The following PRKCH variants were observed in gnomAD, a reference collection of about 807,000 sequenced individuals.
The protein encoded by PRKCH is protein kinase C eta, also known as protein kinase C eta type.
Under a neutral mutation model 82.5 loss-of-function variants are expected in PRKCH, and 28 were observed. The observed-to-expected ratio is 0.34, with a 90% CI of 0.25 to 0.47. The LOEUF (loss-of-function observed/expected upper bound fraction) is 0.47. Ranked by LOEUF, PRKCH falls within the 20% of genes least tolerant of loss-of-function variation. The pLI is 1.00. For synonymous variants in PRKCH, 322 were observed against 327.4 expected, an observed-to-expected ratio of 0.98 and a Z score of 0.18; for missense variants, 705 against 881.8, an observed-to-expected ratio of 0.80 and a Z score of 2.54.
chr14:61,368,770 T>A (rs1282961939), intron 1 of PRKCH, among the ~76,000 whole-genome samples: 1 of 152,132 alleles, frequency 6.6e-6, no homozygotes, highest in African/African-American at 2.4e-5. Context: ...AATGGTGACT[T>A]TTCCCTTCTA....
chr14:61,445,747 C>T (rs1457933650), intron 4 of PRKCH, 21 bp downstream of exon 4: 2 of 1,592,424 alleles, frequency 1.3e-6, no homozygotes, highest in South Asian at 2.2e-5. Flanking sequence ...ATTTTTAAAA[C>T]CATGTTTCAT....
At chr14:61,328,252 G>A (rs1189787931) in intron 1 of PRKCH, among the ~76,000 whole-genome samples, 3 of 64,382 alleles carry the variant, frequency 4.7e-5, no homozygotes, top group Admixed American at 2.7e-4. Flanking sequence ...GCGAGACTCC[G>A]TCTCAAAAAA....
At chr14:61,454,508 G>T (rs1275969374) in intron 7 of PRKCH, among the ~76,000 whole-genome samples, 1 of 152,228 alleles carries the variant, frequency 6.6e-6, no homozygotes, top group East Asian at 1.9e-4. Flanking sequence ...CAGGACAGGT[G>T]ACCAGTAACT....
chr14:61,485,627 G>T lies in PRKCH; in HGVS notation c.1404G>T (p.Met468Ile), dbSNP rs769749007. Residue 468 changes from methionine to isoleucine, a missense_variant, in exon 10 of 14, where the codon ATG becomes ATT. Transcript: ENST00000332981. ...FYAAEIISAL[M>I]FLHDKGIIYR... ...CTGCAGAAATCATTTCGGCTCTCAT[G>T]TTCCTCCATGATAAAGGAATCATCT... 2.5e-6 allele frequency: 4 copies of T among 1,614,000 alleles called. No individual in the cohort carries two copies. The East Asian group carries it at 8.9e-5, about 36-fold the overall frequency.
intron 2 of PRKCH, among the ~76,000 whole-genome samples, chr14:61,438,506 G>GTACT (rs1466235759): frequency 6.6e-6 from 1 of 152,126 alleles, no homozygotes; most frequent in South Asian, 2.1e-4. Context: ...TATTTTAGAA[G>GTACT]TACTTTCAAA....
At chr14:61,259,782 A>G (rs1379858538) in intron 1 of PRKCH, among the ~76,000 whole-genome samples, 1 of 152,108 alleles carries the variant, frequency 6.6e-6, no homozygotes, top group Non-Finnish European at 1.5e-5. Flanking sequence ...CCTAGTTCCA[A>G]TTTGAATATG....
intron 1 of PRKCH, among the ~76,000 whole-genome samples, chr14:61,389,503 T>C (rs889330081): frequency 1.3e-5 from 2 of 151,916 alleles, no homozygotes; most frequent in African/African-American, 4.8e-5. Context: ...CTGGGCAACA[T>C]AGTGAGACCT....
chr14:61,329,316 A>G lies in PRKCH; in HGVS notation c.363+6852A>G, dbSNP rs150008280. ...CAGTGGCACGATCTCGGCTCACTTC[A>G]ACCTCCGCCTCCCAGGTTCAAGCGA... On this transcript the variant is annotated intron_variant, in intron 1 of 13. Transcript: ENST00000332981. 6.9e-3 allele frequency among the ~76,000 whole-genome samples: 901 copies of G among 130,162 alleles called. 37 individuals carry two copies. In the East Asian group the frequency reaches 0.11, roughly 17 times the overall value. 85.4% of individuals were successfully genotyped at this position (130,162 alleles called of 152,430 possible). A position where few individuals can be genotyped will look rare whatever the true frequency, so the allele number is the denominator to read the frequency against.
chr14:61,330,047 A>G (rs895622660), intron 1 of PRKCH, among the ~76,000 whole-genome samples: 8 of 152,248 alleles, frequency 5.3e-5, no homozygotes, highest in Non-Finnish European at 1.2e-4. Flanking sequence ...TCTATCCTGT[A>G]AAGTCAAGTG....
chr14:61,251,097 G>A (rs2044942360), intron 1 of PRKCH, among the ~76,000 whole-genome samples: 1 of 152,228 alleles, frequency 6.6e-6, no homozygotes, highest in East Asian at 1.9e-4. Context: ...CATAGTAGGT[G>A]TATATATTTA....
In PRKCH at chr14:61,280,299, G is replaced by C. The variant is rs1161962603; in HGVS notation, c.-19+92631G>C. On this transcript the variant is annotated intron_variant, in intron 1 of 3. Coordinates refer to the PRKCH transcript ENST00000555185. The surrounding 1 kb of genome is among the most constrained non-coding windows in gnomAD (Gnocchi z 5.0). ...GGTAGTTGTAGGTGATGTTGACGCG[G>C]TAGGCGCCCCGCGGCAGCCCGGCCG... 5 of 1,613,872 alleles carry C rather than the reference G, an allele frequency of 3.1e-6. No individual in the cohort carries two copies. Among genetic ancestry groups the C allele is most frequent in the Non-Finnish European group, 4.2e-6 (5 of 1,179,964 alleles).
chr14:61,443,160 A>G lies in PRKCH; in HGVS notation c.477A>G (p.Gln159=). The change falls in exon 3 of 14, where the codon CAA becomes CAG. Residue 159 remains glutamine (Q), a synonymous_variant. Transcript: ENST00000332981. ...RIFKHFTRKR[Q]RAMRRRVHQI... is the part of the protein sequence containing the mutation. ...TCAAACATTTTACCAGGAAGCGCCAAAGGGCTATGCGAAGGCGAGTCCACC... is the reference window on the plus strand; with the variant it reads ...TCAAACATTTTACCAGGAAGCGCCAGAGGGCTATGCGAAGGCGAGTCCACC... The G allele has an allele frequency of 1.9e-6, 3 of 1,614,102 alleles. No homozygotes were observed. Among genetic ancestry groups the G allele is most frequent in the Non-Finnish European group, 2.5e-6 (3 of 1,179,968 alleles).
At chr14:61,307,512 C>A (rs2140107973) in intron 1 of PRKCH, among the ~76,000 whole-genome samples, 1 of 152,242 alleles carries the variant, frequency 6.6e-6, no homozygotes, top group East Asian at 1.9e-4. Flanking sequence ...GCTCTGGGAG[C>A]CTCTAGCCTT....
Position 61,229,060 on chromosome 14 carries a change from G to A in PRKCH, c.-19+41392G>A, listed in dbSNP as rs532540448. Among the ~76,000 whole-genome samples the A allele has an allele frequency of 3.0e-3, 458 of 152,094 alleles. 3 individuals are homozygous for A. The highest frequency in any genetic ancestry group is 4.7e-3 in the Non-Finnish European group (318 of 67,998). ...CTCAACCCAGAAATTCCACTGGTAG[G>A]AATTTATACTATGGGGACAGTAGCA... On this transcript the variant is annotated intron_variant, in intron 1 of 3. Coordinates refer to the PRKCH transcript ENST00000555185.
intron 1 of PRKCH, among the ~76,000 whole-genome samples, chr14:61,334,463 A>T (rs116638633): frequency 4.7e-4 from 71 of 152,296 alleles, no homozygotes; most frequent in African/African-American, 1.7e-3. Flanking sequence ...AGCACTGTGC[A>T]GCAGACTTGC....
chr14:61,222,173 GC>G (rs1351456815), intron 1 of PRKCH, among the ~76,000 whole-genome samples: 1 of 152,198 alleles, frequency 6.6e-6, no homozygotes, highest in African/African-American at 2.4e-5. Flanking sequence ...CCTCCCAGAG[GC>G]ATTGCTTTTT....
intron 9 of PRKCH, among the ~76,000 whole-genome samples, chr14:61,466,442 TC>T (rs1482347627): frequency 6.6e-6 from 1 of 151,612 alleles, no homozygotes; most frequent in Non-Finnish European, 1.5e-5. Context: ...CCATCCCCCA[TC>T]CCCGGCTCGC....
chr14:61,517,870 C>T (rs774132155), intron 10 of PRKCH, among the ~76,000 whole-genome samples: 9 of 152,262 alleles, frequency 5.9e-5, no homozygotes, highest in African/African-American at 1.4e-4. Flanking sequence ...AGGGGTCCTT[C>T]ATACCTATCC....
intron 1 of PRKCH, among the ~76,000 whole-genome samples, chr14:61,242,375 A>C (rs1959660): frequency 1.3e-5 from 2 of 152,196 alleles, no homozygotes; most frequent in African/African-American, 4.8e-5. Flanking sequence ...TTCAGCAGGC[A>C]ATGCTTATTT....
Sources: allele counts gnomAD v4.1 joint callset (sites outside exome capture counted in the v4.1 genomes callset), GRCh38; gene constraint gnomAD v4.1.1; non-coding constraint Gnocchi (gnomAD v3.1); transcripts MANE v1.5; gene names NCBI Gene and HGNC (gene_info 2026-07-23, HGNC 2026-07-21).